ME1: variants seen among roughly 807,000 people sequenced by gnomAD.
The protein encoded by ME1 is NADP-dependent malic enzyme.
Under a neutral mutation model 66.4 loss-of-function variants are expected in ME1, and 74 were observed. The observed-to-expected ratio is 1.11, with a 90% confidence interval of 0.92 to 1.35. The LOEUF is 1.35. Among genes scored for constraint, ME1 ranks in the 40% most tolerant of loss-of-function variants. ME1 has a pLI of 0.00. For synonymous variants in ME1, 251 were observed against 235.6 expected (o/e 1.07, Z -0.60); for missense variants, 750 against 694.1 (o/e 1.08, Z -0.90).
intron 7 of ME1, among the ~76,000 whole-genome samples, chr6:83,243,349 T>C (rs1241822982): frequency 7.2e-6 from 1 of 138,110 alleles, no homozygotes; most frequent in Non-Finnish European, 1.5e-5. Context: ...ATTATATTTA[T>C]ATATTTATAT....
chr6:83,402,362 C>T (rs1297308838), intron 2 of ME1, among the ~76,000 whole-genome samples: 1 of 152,184 alleles, frequency 6.6e-6, no homozygotes, highest in East Asian at 1.9e-4. Context: ...TAGTGTCACA[C>T]TAGCAAAATT....
chr6:83,245,792 C>G (rs1290207366), intron 7 of ME1, among the ~76,000 whole-genome samples: 1 of 152,122 alleles, frequency 6.6e-6, no homozygotes, highest in Non-Finnish European at 1.5e-5. Context: ...CATTCTAATT[C>G]ATGAGCTTTT....
Position 83,315,348 on chromosome 6 carries a change from A to T in ME1, c.666T>A (p.Asp222Glu), listed in dbSNP as rs987819757. ...RQRRVRGSEY[D>E]DFLDEFMEAV... ...CCTCCATGAATTCGTCCAAAAAATC[A>T]TCATATTCAGAACCTCTTACTCTTC... Residue 222 changes from aspartate to glutamate, a missense_variant, in exon 6 of 14, where the codon GAT becomes GAA. By Grantham distance (45) the Asp-to-Glu change is conservative. Coordinates refer to ENST00000369705, the MANE Select transcript of ME1 (RefSeq NM_002395.6). 6.2e-7 allele frequency: 1 copy of T among 1,612,560 alleles called. No homozygotes were observed. The highest frequency in any genetic ancestry group is 8.5e-7 in the Non-Finnish European group (1 of 1,179,108).
chr6:83,261,576 G>A (rs968089983), intron 6 of ME1, among the ~76,000 whole-genome samples: 2 of 152,022 alleles, frequency 1.3e-5, no homozygotes, highest in Non-Finnish European at 2.9e-5. Flanking sequence ...AAGCAAGGAG[G>A]TAAAGGGAAC....
At chr6:83,245,488 C>T (rs1790602076) in intron 7 of ME1, among the ~76,000 whole-genome samples, 2 of 152,128 alleles carry the variant, frequency 1.3e-5, no homozygotes, top group African/African-American at 4.8e-5. Context: ...TCACTGCAAC[C>T]TCTGCCTCCC....
intron 7 of ME1, among the ~76,000 whole-genome samples, chr6:83,242,531 T>C (rs1790529266): frequency 1.3e-5 from 2 of 152,014 alleles, no homozygotes; most frequent in Admixed American, 6.6e-5. Flanking sequence ...GAACACAGTA[T>C]TGATTAATGT....
intron 3 of ME1, among the ~76,000 whole-genome samples, chr6:83,369,355 T>C (rs999609782): frequency 3.3e-5 from 5 of 152,130 alleles, no homozygotes; most frequent in African/African-American, 1.2e-4. Flanking sequence ...AAATATACTT[T>C]ATTTAAGAGG....
At chr6:83,416,209 G>T (rs978613585) in intron 1 of ME1, among the ~76,000 whole-genome samples, 2 of 152,168 alleles carry the variant, frequency 1.3e-5, no homozygotes, top group Admixed American at 6.5e-5. Flanking sequence ...TCACTGGGTT[G>T]TTGGGAAGAA....
chr6:83,398,303 T>C, intron 3 of ME1, 64 bp downstream of exon 3: 2 of 1,132,128 alleles, frequency 1.8e-6, no homozygotes, highest in Non-Finnish European at 2.5e-6. Flanking sequence ...AATTTTAAAT[T>C]CGTTAAAAAA....
chr6:83,411,491 T>C (rs1414880660), intron 1 of ME1, among the ~76,000 whole-genome samples: 1 of 152,154 alleles, frequency 6.6e-6, no homozygotes, highest in Non-Finnish European at 1.5e-5. Flanking sequence ...AAAATGGATA[T>C]TGTATTATTT....
intron 3 of ME1, among the ~76,000 whole-genome samples, chr6:83,383,531 T>C (rs1009509620): frequency 6.6e-6 from 1 of 151,932 alleles, no homozygotes; most frequent in Non-Finnish European, 1.5e-5. Flanking sequence ...TAAAAAGCAC[T>C]GGAAAGAATC....
intron 5 of ME1, among the ~76,000 whole-genome samples, chr6:83,328,754 T>C (rs1460741361): frequency 6.6e-6 from 1 of 152,132 alleles, no homozygotes; most frequent in Admixed American, 6.5e-5. Context: ...TACTTGGTAT[T>C]AAGGAAGCAC....
chr6:83,259,777 C>G (rs927065129), intron 6 of ME1, among the ~76,000 whole-genome samples: 2 of 152,118 alleles, frequency 1.3e-5, no homozygotes, highest in Non-Finnish European at 2.9e-5. Context: ...AACATTTAGA[C>G]AGTCCTTTCA....
chr6:83,381,280 G>A (rs934866633), intron 3 of ME1, among the ~76,000 whole-genome samples: 1 of 151,990 alleles, frequency 6.6e-6, no homozygotes, highest in Non-Finnish European at 1.5e-5. Flanking sequence ...CTTCTGGGAG[G>A]GCAAGAAAGG....
At position 83,364,713 on chromosome 6, in the gene ME1, A is replaced by ATATC. The variant is rs532188010; in HGVS notation, c.363-12578_363-12575dup. On this transcript the variant is annotated intron_variant, in intron 3 of 13. Transcript: ENST00000369705. ...TGTATGTGAATATGTGGGTATATAC[A>ATATC]TATCTATCTATCTATCTATCTGTCA... Among the ~76,000 whole-genome samples the ATATC allele has an allele frequency of 9.3e-4, 141 of 151,502 alleles. No homozygotes were observed. The East Asian group carries it at 0.013, about 14-fold the overall frequency.
chr6:83,239,572 A>C lies in ME1; in HGVS notation c.879T>G (p.Ser293=), dbSNP rs1179029692. The C allele has an allele frequency of 6.2e-7, 1 of 1,613,280 alleles. No individual in the cohort carries two copies. The highest frequency in any genetic ancestry group is 8.5e-7 in the Non-Finnish European group (1 of 1,179,450). The change falls in exon 8 of 14, where the codon TCT becomes TCG. Residue 293 remains serine (S), a synonymous_variant. Transcript: ENST00000369705. ...CTCCTTGGAATAGTATTGTTTGATC[A>C]GACAGTTTGTTCTTGGTTATTCGAA... ...AALRITKNKL[S]DQTILFQGAG...
intron 6 of ME1, among the ~76,000 whole-genome samples, chr6:83,278,391 CT>C (rs994428334): frequency 4.6e-5 from 7 of 152,154 alleles, no homozygotes; most frequent in African/African-American, 1.7e-4. Context: ...AAAAGTCCCC[CT>C]TGTGCTTCCA....
At chr6:83,230,697 T>C (rs576228874) in intron 9 of ME1, among the ~76,000 whole-genome samples, 4 of 152,224 alleles carry the variant, frequency 2.6e-5, no homozygotes, top group Admixed American at 2.6e-4. Flanking sequence ...TTTGGGAGGC[T>C]GAGGCGGGCG....
chr6:83,344,441 G>A (rs542838384), intron 5 of ME1, among the ~76,000 whole-genome samples: 33 of 152,114 alleles, frequency 2.2e-4, no homozygotes, highest in Non-Finnish European at 4.4e-4. Flanking sequence ...AAAGTAGCTG[G>A]CTGTGGTGGC....
Sources: gnomAD v4.1 joint callset for allele counts (sites outside exome capture counted in the v4.1 genomes callset) on GRCh38, gnomAD v4.1.1 for gene constraint, MANE v1.5 for transcripts, NCBI Gene and HGNC (gene_info 2026-07-23, HGNC 2026-07-21) for gene names.